Variants in DMD observed in about 807,000 individuals in gnomAD.
DMD encodes the protein dystrophin.
DMD carries 63 observed loss-of-function variants against 330.1 expected under a neutral mutation model. The ratio of observed to expected loss-of-function variants is 0.19; its 90% CI spans 0.16 to 0.24. The LOEUF (loss-of-function observed/expected upper bound fraction) is 0.24, where lower values mean the gene tolerates loss of function less well. Ranked by LOEUF, DMD falls within the 10% of genes least tolerant of loss-of-function variation. The pLI is 1.00. For missense variants in DMD, 3,344 were observed against 2,684.1 expected, an observed-to-expected ratio of 1.25 and a Z score of -5.43; for synonymous variants, 1,223 against 959.8, an observed-to-expected ratio of 1.27 and a Z score of -5.07.
At chrX:32,657,174 C>T (rs1224060519) in intron 9 of DMD, among the ~76,000 whole-genome samples, 1 of 109,923 alleles carries the variant, frequency 9.1e-6, no homozygotes, top group African/African-American at 3.3e-5. Context: ...CTATTATAAT[C>T]CACACAATAG....
chrX:31,543,565 A>G (rs745855086), intron 55 of DMD, among the ~76,000 whole-genome samples: 23 of 112,579 alleles, frequency 2.0e-4, no homozygotes, highest in African/African-American at 7.4e-4. Context: ...TAGACTGTTT[A>G]CATGAGAAAG....
At chrX:32,599,372 T>A (rs1256214286) in intron 12 of DMD, among the ~76,000 whole-genome samples, 2 of 111,743 alleles carry the variant, frequency 1.8e-5, no homozygotes, top group African/African-American at 6.5e-5. Context: ...AAGGCCTTGA[T>A]CATTGGGGTA....
At chrX:31,260,755 C>G (rs1251347386) in intron 63 of DMD, among the ~76,000 whole-genome samples, 200 bp downstream of exon 63, 2 of 111,878 alleles carry the variant, frequency 1.8e-5, no homozygotes, top group East Asian at 5.5e-4. Context: ...AGGAATCAAT[C>G]AACTTCTAAA....
chrX:32,084,907 G>A (rs1293051731), intron 44 of DMD, among the ~76,000 whole-genome samples: 1 of 111,122 alleles, frequency 9.0e-6, no homozygotes, highest in Non-Finnish European at 1.9e-5. Flanking sequence ...GCTGAGAGGC[G>A]CAGAGAAGCT....
intron 44 of DMD, among the ~76,000 whole-genome samples, chrX:32,202,068 T>C (rs1395426374): frequency 8.9e-6 from 1 of 111,794 alleles, no homozygotes; most frequent in Admixed American, 9.5e-5. Flanking sequence ...GGAATAATAC[T>C]TGTCACACAG....
At chrX:33,210,768 G>A (rs977869497) in intron 1 of DMD, among the ~76,000 whole-genome samples, 7 of 111,213 alleles carry the variant, frequency 6.3e-5, no homozygotes, top group Admixed American at 9.6e-5. Flanking sequence ...TCAATTATCC[G>A]TCCCAACTCA....
At chrX:32,603,906 C>A (rs754278693) in intron 12 of DMD, among the ~76,000 whole-genome samples, 1 of 111,152 alleles carries the variant, frequency 9.0e-6, no homozygotes, top group East Asian at 2.8e-4. Flanking sequence ...TATTCACAGC[C>A]GAATTCTACC....
intron 44 of DMD, among the ~76,000 whole-genome samples, chrX:32,013,904 T>C (rs1177775810): frequency 1.8e-5 from 2 of 112,537 alleles, no homozygotes; most frequent in Admixed American, 9.4e-5. Flanking sequence ...AATGAGTATT[T>C]GTTCAATCCA....
intron 42 of DMD, among the ~76,000 whole-genome samples, chrX:32,304,919 C>T (rs1325011386): frequency 9.0e-6 from 1 of 111,229 alleles, no homozygotes; most frequent in Non-Finnish European, 1.9e-5. Context: ...AAATTCAACT[C>T]GAATTCAAAA....
chrX:31,633,622 G>A (rs2079245076), intron 54 of DMD, among the ~76,000 whole-genome samples: 1 of 111,796 alleles, frequency 8.9e-6, no homozygotes, highest in Non-Finnish European at 1.9e-5. Context: ...TAGCTCAAAT[G>A]TAACATATAT....
chrX:32,308,107 G>C (rs1005975357), intron 42 of DMD, among the ~76,000 whole-genome samples: 1 of 110,050 alleles, frequency 9.1e-6, no homozygotes, highest in African/African-American at 3.3e-5. Context: ...ATATATGTTT[G>C]TGTTTATCTG....
intron 51 of DMD, among the ~76,000 whole-genome samples, chrX:31,760,269 T>C (rs1050624092): frequency 8.9e-6 from 1 of 112,038 alleles, no homozygotes. Flanking sequence ...ACCACTTTAT[T>C]GATTTCTTAA....
At chrX:32,659,955 C>G (rs1461228832) in intron 9 of DMD, among the ~76,000 whole-genome samples, 1 of 110,572 alleles carries the variant, frequency 9.0e-6, no homozygotes, top group Non-Finnish European at 1.9e-5. Flanking sequence ...TCATTAACAC[C>G]TGCAAATTCC....
chrX:33,090,161 G>A (rs1228747097), intron 1 of DMD, among the ~76,000 whole-genome samples: 1 of 110,107 alleles, frequency 9.1e-6, no homozygotes, highest in African/African-American at 3.3e-5. Flanking sequence ...GGAGATACAT[G>A]GAATTTGTTT....
At chrX:32,456,810 C>T (rs181336988) in intron 25 of DMD, among the ~76,000 whole-genome samples, 114 of 108,110 alleles carry the variant, frequency 1.1e-3, no homozygotes, top group African/African-American at 3.7e-3. Flanking sequence ...TAATAACAGG[C>T]AAATTTCTAG....
chrX:31,402,160 G>A (rs1483307490), intron 60 of DMD, among the ~76,000 whole-genome samples: 6 of 111,822 alleles, frequency 5.4e-5, no homozygotes, highest in African/African-American at 1.9e-4. Context: ...AGTGAACTGG[G>A]ACTGGGGCAG....
chrX:31,677,079 T>G (rs866757735), intron 53 of DMD, among the ~76,000 whole-genome samples: 1 of 103,060 alleles, frequency 9.7e-6, no homozygotes, highest in Admixed American at 1.0e-4. Context: ...TTTTTTTTTT[T>G]AATTTCAAAA....
intron 16 of DMD, among the ~76,000 whole-genome samples, chrX:32,553,518 A>G (rs1277670341): frequency 9.0e-6 from 1 of 110,978 alleles, no homozygotes; most frequent in African/African-American, 3.3e-5. Context: ...GTGACATGCA[A>G]TTTATCTATA....
rs773512989 is a variant in DMD at position 33,082,296 on chromosome X, T to C, written c.32-62096A>G. ...ATCTCTTATTACCTAATTTTAGCCA[T>C]GCCAAGTGGACAATATTTTTAGCTT... On this transcript the variant is annotated intron_variant, in intron 1 of 78. Transcript: ENST00000357033. 8.9e-5 allele frequency among the ~76,000 whole-genome samples: 10 copies of C among 112,246 alleles called. No homozygotes were observed. The South Asian group carries it at 3.7e-3, about 41-fold the overall frequency.
Sources: gnomAD v4.1 joint callset for allele counts (sites outside exome capture counted in the v4.1 genomes callset) on GRCh38, gnomAD v4.1.1 for gene constraint, MANE v1.5 for transcripts, NCBI Gene and HGNC (gene_info 2026-07-23, HGNC 2026-07-21) for gene names.